Variants in NKAIN2 observed in about 807,000 individuals in gnomAD.
NKAIN2 encodes the protein sodium/potassium transporting ATPase interacting 2, also known as sodium/potassium-transporting ATPase subunit beta-1-interacting protein 2.
Under a neutral mutation model 32.6 loss-of-function variants are expected in NKAIN2, and 14 were observed. That is an observed-to-expected ratio of 0.43 (90% CI 0.28 to 0.67). The LOEUF (loss-of-function observed/expected upper bound fraction) is 0.67. NKAIN2 is among the 30% of genes least tolerant of loss of function. NKAIN2 has a pLI of 0.17. For missense variants in NKAIN2, 198 were observed against 258.3 expected (o/e 0.77, Z 1.60); for synonymous variants, 80 against 87.2 (o/e 0.92, Z 0.46).
At chr6:124,711,163 C>G (rs573962104) in intron 4 of NKAIN2, among the ~76,000 whole-genome samples, 1 of 139,556 alleles carries the variant, frequency 7.2e-6, no homozygotes, top group East Asian at 2.0e-4. Flanking sequence ...TTGGCCCCCA[C>G]TCTCTTCTGG....
intron 3 of NKAIN2, among the ~76,000 whole-genome samples, chr6:124,439,896 C>A (rs578874): frequency 1.3e-5 from 2 of 151,674 alleles, no homozygotes; most frequent in Non-Finnish European, 2.9e-5. Flanking sequence ...ATAGGGGTCT[C>A]CAGGAAGCCT....
chr6:123,951,036 G>A (rs983987477), intron 1 of NKAIN2, among the ~76,000 whole-genome samples: 2 of 151,950 alleles, frequency 1.3e-5, no homozygotes, highest in Non-Finnish European at 2.9e-5. Context: ...TCATTTAGGA[G>A]CATGTTGTTT....
intron 4 of NKAIN2, among the ~76,000 whole-genome samples, chr6:124,662,428 G>A (rs1474589432): frequency 6.6e-6 from 1 of 152,070 alleles, no homozygotes; most frequent in Non-Finnish European, 1.5e-5. Flanking sequence ...TCTGGTACCT[G>A]GTTCATAGCT....
intron 2 of NKAIN2, among the ~76,000 whole-genome samples, chr6:124,349,327 A>C (rs749222143): frequency 4.0e-5 from 6 of 151,800 alleles, no homozygotes; most frequent in African/African-American, 7.3e-5. Context: ...CCGAGGCTCC[A>C]CCCCATTCTC....
chr6:124,701,679 C>T (rs952115575), intron 4 of NKAIN2, among the ~76,000 whole-genome samples: 3 of 152,004 alleles, frequency 2.0e-5, no homozygotes, highest in South Asian at 2.1e-4. Context: ...TCAACAGGAG[C>T]GTACATACAT....
intron 1 of NKAIN2, among the ~76,000 whole-genome samples, chr6:124,141,867 G>A (rs1787156463): frequency 6.6e-6 from 1 of 152,022 alleles, no homozygotes; most frequent in Non-Finnish European, 1.5e-5. Flanking sequence ...ATCTTGAATT[G>A]CAACCAGTTC....
intron 4 of NKAIN2, among the ~76,000 whole-genome samples, chr6:124,779,246 A>AG (rs1491384432): frequency 6.0e-5 from 2 of 33,508 alleles, no homozygotes; most frequent in African/African-American, 1.3e-4. Flanking sequence ...TCCAACAAAG[A>AG]AAGAGAGAGA....
At chr6:124,365,639 A>T (rs1443121851) in intron 3 of NKAIN2, among the ~76,000 whole-genome samples, 1 of 151,976 alleles carries the variant, frequency 6.6e-6, no homozygotes, top group Non-Finnish European at 1.5e-5. Flanking sequence ...TGAAAATTCA[A>T]TAAGGATATA....
intron 3 of NKAIN2, among the ~76,000 whole-genome samples, chr6:124,483,697 A>G (rs761486592): frequency 6.6e-6 from 1 of 152,124 alleles, no homozygotes; most frequent in Non-Finnish European, 1.5e-5. Flanking sequence ...TTTTAAATCT[A>G]TGCAAGGACA....
Position 123,854,913 on chromosome 6 carries a change from C to T in NKAIN2, c.54+50659C>T, listed in dbSNP as rs114737459. Among the ~76,000 whole-genome samples the T allele has an allele frequency of 4.6e-3, 704 of 152,280 alleles. 9 individuals carry two copies. The highest frequency in any genetic ancestry group is 0.015 in the African/African-American group (605 of 41,542). On this transcript the variant is annotated intron_variant, in intron 1 of 6. Coordinates refer to ENST00000368417, the MANE Select transcript of NKAIN2 (RefSeq NM_001040214.3). Reference sequence around the variant, plus strand: ...GCGTCTTTCCTTGGCTGAGACAGGACACCAGTGACTATTCTTTTTCTCCTG... The same window carrying T: ...GCGTCTTTCCTTGGCTGAGACAGGATACCAGTGACTATTCTTTTTCTCCTG...
chr6:124,282,057 T>C (rs567150303), intron 1 of NKAIN2, among the ~76,000 whole-genome samples: 1 of 152,290 alleles, frequency 6.6e-6, no homozygotes, highest in East Asian at 1.9e-4. Flanking sequence ...CATTCTGCTT[T>C]ACTTTGTTGG....
intron 1 of NKAIN2, among the ~76,000 whole-genome samples, chr6:123,857,531 A>G (rs1444992156): frequency 3.3e-5 from 5 of 152,204 alleles, no homozygotes; most frequent in Admixed American, 6.5e-5. Context: ...AAGTTCGTAG[A>G]AGATTAAACG....
At position 124,345,829 on chromosome 6, in the gene NKAIN2, T is replaced by A. The variant is rs1798394778; in HGVS notation, c.193-9438T>A. On this transcript the variant is annotated intron_variant, in intron 2 of 6. Coordinates refer to ENST00000368417, the MANE Select transcript of NKAIN2 (RefSeq NM_001040214.3). The stretch of plus-strand genomic sequence containing the variant: ...TTTTGAAGGGTTTTTTATGTCTCTA[T>A]TTCCTTCAGTTGTGTTCTGATTTTA... Among the ~76,000 whole-genome samples the A allele has an allele frequency of 7.2e-5, 11 of 152,340 alleles. 1 individual carries two copies. In the South Asian group the frequency reaches 2.3e-3, roughly 32 times the overall value.
chr6:123,833,781 A>G (rs1774490550), intron 1 of NKAIN2, among the ~76,000 whole-genome samples: 5 of 144,344 alleles, frequency 3.5e-5, no homozygotes. Flanking sequence ...AGGCTGGAGT[A>G]CAGTGGCACG....
At chr6:124,132,525 A>G (rs1786530777) in intron 1 of NKAIN2, among the ~76,000 whole-genome samples, 2 of 152,240 alleles carry the variant, frequency 1.3e-5, no homozygotes, top group Admixed American at 1.3e-4. Flanking sequence ...GCAACTCATG[A>G]CAGAATAACA....
At chr6:124,576,746 A>G (rs944093718) in intron 3 of NKAIN2, among the ~76,000 whole-genome samples, 1 of 152,234 alleles carries the variant, frequency 6.6e-6, no homozygotes, top group Non-Finnish European at 1.5e-5. Flanking sequence ...CGTTCCAAAT[A>G]CTCTTTAAGA....
At chr6:124,164,291 G>A (rs918863345) in intron 1 of NKAIN2, among the ~76,000 whole-genome samples, 4 of 151,956 alleles carry the variant, frequency 2.6e-5, no homozygotes, top group Non-Finnish European at 4.4e-5. Flanking sequence ...GTGTATTAAA[G>A]CGCCCCAGGA....
intron 4 of NKAIN2, among the ~76,000 whole-genome samples, chr6:124,781,668 G>GA (rs1382524214): frequency 9.9e-5 from 15 of 151,998 alleles, no homozygotes; most frequent in Admixed American, 9.9e-4. Context: ...CCCTTGCATT[G>GA]GCTATGAGCT....
chr6:124,306,985 A>G (rs960090974), intron 2 of NKAIN2, among the ~76,000 whole-genome samples: 2 of 152,168 alleles, frequency 1.3e-5, no homozygotes, highest in African/African-American at 4.8e-5. Flanking sequence ...CATTTATTAC[A>G]TGCCTAACAA....
Sources: gnomAD v4.1 joint callset for allele counts (sites outside exome capture counted in the v4.1 genomes callset) on GRCh38, gnomAD v4.1.1 for gene constraint, MANE v1.5 for transcripts, NCBI Gene and HGNC (gene_info 2026-07-23, HGNC 2026-07-21) for gene names.